The following CD44 variants were observed in gnomAD, a reference collection of about 807,000 sequenced individuals.
CD44 encodes the protein CD44 antigen.
CD44 carries 49 observed loss-of-function variants against 88.8 expected under a neutral mutation model. The ratio of observed to expected loss-of-function variants is 0.55; its 90% CI spans 0.44 to 0.70. CD44 has a LOEUF of 0.70. Ranked by LOEUF, CD44 falls within the 30% of genes least tolerant of loss-of-function variation. The pLI is 0.00. For synonymous variants in CD44, 325 were observed against 312.3 expected, an observed-to-expected ratio of 1.04 and a Z score of -0.43; for missense variants, 883 against 913.8, an observed-to-expected ratio of 0.97 and a Z score of 0.43.
Position 35,229,135 on chromosome 11 carries a change from G to A in CD44, c.2031G>A (p.Gly677=), listed in dbSNP as rs765265330. 3 of 1,613,430 alleles carry A rather than the reference G, an allele frequency of 1.9e-6. No individual in the cohort carries two copies. Among genetic ancestry groups the A allele is most frequent in the East Asian group, 4.5e-5 (2 of 44,866 alleles). ...CIAVNSRRRC[G]QKKKLVINSG... ...ACATTTTTTAAATTATTAGGTGTGG[G>A]CAGAAGAAAAAGCTAGTGATCAACA... Residue 677 remains glycine, a synonymous_variant, in exon 18 of 18, where the codon GGG becomes GGA. Coordinates refer to ENST00000428726, the MANE Select transcript of CD44 (RefSeq NM_000610.4).
intron 9 of CD44, among the ~76,000 whole-genome samples, chr11:35,203,109 G>A (rs16927081): frequency 0.019 from 2,818 of 152,248 alleles, 106 homozygotes; most frequent in African/African-American, 0.063. Context: ...GAATATTTGC[G>A]AAACTCAAAG....
chr11:35,200,663 C>A (rs568072844), intron 7 of CD44: 1 of 161,348 alleles, frequency 6.2e-6, no homozygotes, highest in South Asian at 1.8e-4. Flanking sequence ...CCTCTTCACC[C>A]GGAGGATCTA....
chr11:35,143,648 G>A (rs1858457178), intron 1 of CD44, among the ~76,000 whole-genome samples: 1 of 152,222 alleles, frequency 6.6e-6, no homozygotes, highest in African/African-American at 2.4e-5. Context: ...TGTCCCCTGT[G>A]GCCAGCATAA....
At chr11:35,215,895 C>A (rs1948794431) in intron 15 of CD44, among the ~76,000 whole-genome samples, 1 of 149,514 alleles carries the variant, frequency 6.7e-6, no homozygotes, top group African/African-American at 2.5e-5. Flanking sequence ...AAACAAAAAA[C>A]AAAAAAACAG....
intron 1 of CD44, among the ~76,000 whole-genome samples, chr11:35,142,164 C>T (rs1590849709): frequency 6.6e-6 from 1 of 151,822 alleles, no homozygotes; most frequent in South Asian, 2.1e-4. Context: ...CTCCTTGTCT[C>T]TGTGGGTGAG....
At chr11:35,164,023 C>G (rs945865522) in intron 1 of CD44, among the ~76,000 whole-genome samples, 2 of 152,006 alleles carry the variant, frequency 1.3e-5, no homozygotes, top group Non-Finnish European at 2.9e-5. Context: ...ATGTGAAGTA[C>G]CGAGCACAGA....
chr11:35,163,830 G>C (rs555789755), intron 1 of CD44, among the ~76,000 whole-genome samples: 22 of 152,252 alleles, frequency 1.4e-4, no homozygotes, highest in East Asian at 1.9e-4. Context: ...CTAAAGTCAA[G>C]GTGCAGCAAG....
intron 3 of CD44, among the ~76,000 whole-genome samples, chr11:35,182,848 A>G (rs769318664): frequency 6.6e-6 from 1 of 152,176 alleles, no homozygotes; most frequent in Non-Finnish European, 1.5e-5. Flanking sequence ...GCATACCCAC[A>G]TTGTCTTACC....
At chr11:35,196,660 G>A in intron 5 of CD44, 86 bp from the exon 6 acceptor site, 1 of 1,386,952 alleles carries the variant, frequency 7.2e-7, no homozygotes, top group African/African-American at 1.4e-5. Flanking sequence ...CTCTTGAGTA[G>A]TAAAAGAGTA....
intron 17 of CD44, chr11:35,223,162 A>G: frequency 1.4e-5 from 14 of 985,450 alleles, no homozygotes; most frequent in Non-Finnish European, 1.7e-5. Context: ...AACTGAGAGA[A>G]AAAATCTAAA....
intron 6 of CD44, 135 bp from the exon 7 acceptor site, chr11:35,197,986 G>C (rs1338678495): frequency 2.6e-6 from 2 of 758,364 alleles, no homozygotes; most frequent in Non-Finnish European, 4.2e-6. Flanking sequence ...AAGAATTTGG[G>C]GTATGCAAGT....
chr11:35,196,529 A>G (rs1242932282), intron 5 of CD44, among the ~76,000 whole-genome samples: 2 of 67,498 alleles, frequency 3.0e-5, no homozygotes, highest in Non-Finnish European at 5.1e-5. Context: ...CATGAACCAG[A>G]TGACATTTAA....
rs1333237698 is a variant in CD44, at chr11:35,210,011, A to G, written c.1563A>G (p.Glu521=). Residue 521 remains glutamate, a synonymous_variant, in exon 13 of 18, where the codon GAA becomes GAG. Transcript: ENST00000428726. The part of the protein sequence containing the change: ...QSFSTSHEGL[E]EDKDHPTTST... ...TCTCTACATCACATGAAGGCTTGGAAGAAGATAAAGACCATCCAACAACTT... is the reference window on the plus strand; with the variant it reads ...TCTCTACATCACATGAAGGCTTGGAGGAAGATAAAGACCATCCAACAACTT... 3 of 1,571,668 alleles carry G rather than the reference A, an allele frequency of 1.9e-6. No individual in the cohort carries two copies. Among genetic ancestry groups the G allele is most frequent in the Non-Finnish European group, 2.6e-6 (3 of 1,163,994 alleles).
Position 35,139,374 on chromosome 11 carries a change from A to G in CD44, c.67+4A>G. Reference sequence around the variant, plus strand: ...CCGCTGAGCCTGGCGCAGATCGGTGAGTGCCCGCCGCAGCCTGGGCAGCAA... The same window carrying G: ...CCGCTGAGCCTGGCGCAGATCGGTGGGTGCCCGCCGCAGCCTGGGCAGCAA... On this transcript the variant is annotated splice_donor_region_variant and intron_variant, in intron 1 of 17. Transcript: ENST00000428726. 1 of 1,556,338 alleles carries G rather than the reference A, an allele frequency of 6.4e-7. No individual in the cohort carries two copies. Among genetic ancestry groups the G allele is most frequent in the Non-Finnish European group, 8.7e-7 (1 of 1,149,474 alleles).
intron 5 of CD44, among the ~76,000 whole-genome samples, chr11:35,191,499 C>A (rs567523540): frequency 6.6e-6 from 1 of 152,108 alleles, no homozygotes; most frequent in African/African-American, 2.4e-5. Flanking sequence ...CCAAGCGGGC[C>A]GTGCTGCTAG....
chr11:35,226,752 A>C (rs1949712980), intron 17 of CD44, among the ~76,000 whole-genome samples: 1 of 151,902 alleles, frequency 6.6e-6, no homozygotes, highest in Non-Finnish European at 1.5e-5. Context: ...TGATATTGCT[A>C]CTCTTAGTAA....
At chr11:35,152,593 G>A (rs1036175422) in intron 1 of CD44, among the ~76,000 whole-genome samples, 8 of 152,192 alleles carry the variant, frequency 5.3e-5, no homozygotes, top group African/African-American at 1.4e-4. Flanking sequence ...GCAGAAACAC[G>A]TGATATAAAA....
Position 35,198,242 on chromosome 11 carries a change from C to T in CD44, c.918C>T (p.Ser306=), listed in dbSNP as rs774704864. 3 of 1,613,762 alleles carry T rather than the reference C, an allele frequency of 1.9e-6. No homozygotes were observed. The South Asian group carries it at 3.3e-5, about 18-fold the overall frequency. Residue 306 remains serine, a synonymous_variant, in exon 7 of 18, where the codon AGC becomes AGT. Transcript: ENST00000428726. ...ATGATGATGAAGATTTTATCTCCAGCACCAGTAAGAATAATCAATTACAGT... is the reference window on the plus strand; with the variant it reads ...ATGATGATGAAGATTTTATCTCCAGTACCAGTAAGAATAATCAATTACAGT... ...GIDDDEDFIS[S]TISTTPRAFD...
chr11:35,204,667 T>C, intron 10 of CD44, 27 bp downstream of exon 10: 1 of 1,607,996 alleles, frequency 6.2e-7, no homozygotes, highest in Non-Finnish European at 8.5e-7. Flanking sequence ...CAAGTAAATT[T>C]GGATGGAAAC....
Sources: gnomAD v4.1 joint callset for allele counts (sites outside exome capture counted in the v4.1 genomes callset) on GRCh38, gnomAD v4.1.1 for gene constraint, MANE v1.5 for transcripts, NCBI Gene and HGNC (gene_info 2026-07-23, HGNC 2026-07-21) for gene names.